The following LTBR variants were observed in gnomAD, a reference collection of about 807,000 sequenced individuals.
LTBR encodes lymphotoxin beta receptor, also known as tumor necrosis factor receptor superfamily member 3.
In LTBR, 15 loss-of-function variants were observed where a neutral mutation model predicts 45.4. The ratio of observed to expected loss-of-function variants is 0.33; its 90% CI spans 0.22 to 0.51. The LOEUF is 0.51. Among genes scored for constraint, LTBR ranks in the 20% least tolerant of loss-of-function variants. LTBR has a pLI of 0.97. For synonymous variants in LTBR, 228 were observed against 231.0 expected (o/e 0.99, Z 0.12); for missense variants, 450 against 565.5 (o/e 0.80, Z 2.07).
In LTBR at chr12:6,388,414, G is replaced by A. The variant is rs769967441; in HGVS notation, c.684G>A (p.Leu228=). ...TCCTGGCAGGAACCATGCTGATGCT[G>A]GCCGTTCTGCTGCCACTGGCCTTCT... ...PPEMSGTMLM[L]AVLLPLAFFL... The change falls in exon 7 of 10, where the codon CTG becomes CTA. Residue 228 remains leucine, a synonymous_variant. Transcript: ENST00000228918. The surrounding 1 kb of genome is among the most constrained non-coding windows in gnomAD (Gnocchi z 4.3). 6.2e-7 allele frequency: 1 copy of A among 1,613,636 alleles called. No individual in the cohort carries two copies. The highest frequency in any genetic ancestry group is 8.5e-7 in the Non-Finnish European group (1 of 1,179,892).
chr12:6,381,376 C>T (rs1015178745), upstream of LTBR, among the ~76,000 whole-genome samples: 2 of 152,190 alleles, frequency 1.3e-5, no homozygotes, highest in Admixed American at 1.3e-4. Flanking sequence ...GAGAAATAGC[C>T]TGGCTGCTTC....
chr12:6,386,650 T>G lies in LTBR; in HGVS notation c.667+206T>G. The G allele has an allele frequency of 1.8e-6, 1 of 570,332 alleles. No individual in the cohort carries two copies. The allele number at this position is 570,332 out of a possible 1,614,324, so 35.3% of individuals were successfully genotyped here. The stretch of plus-strand genomic sequence containing the variant: ...ACACACACACACTTTTAAAATTATA[T>G]ATACTGTAATACTATGTCAAGGAAC... On this transcript the variant is annotated intron_variant, in intron 6 of 9. Transcript: ENST00000228918. The surrounding 1 kb of genome is among the most constrained non-coding windows in gnomAD (Gnocchi z 4.1).
intron 8 of LTBR, 185 bp from the exon 9 acceptor site, chr12:6,389,927 A>G (rs1949091353): frequency 3.3e-6 from 2 of 598,204 alleles, no homozygotes; most frequent in Non-Finnish European, 5.9e-6. Flanking sequence ...ACTGCACTGT[A>G]GCCTGGGTGA....
At chr12:6,381,667 C>T (rs534070839), upstream of LTBR, among the ~76,000 whole-genome samples, 2 of 152,336 alleles carry the variant, frequency 1.3e-5, no homozygotes, top group African/African-American at 2.4e-5. Flanking sequence ...ATGTAGCAAA[C>T]ATTTGTAGTG....
intron 1 of LTBR, among the ~76,000 whole-genome samples, chr12:6,376,486 C>T (rs1303796344): frequency 6.6e-6 from 1 of 152,210 alleles, no homozygotes; most frequent in Non-Finnish European, 1.5e-5. Context: ...GGAAAGCAGG[C>T]ACTGAAGGTG....
intron 1 of LTBR, among the ~76,000 whole-genome samples, chr12:6,378,222 T>C (rs1404422231): frequency 2.3e-5 from 2 of 88,678 alleles, no homozygotes; most frequent in Non-Finnish European, 4.2e-5. Flanking sequence ...AAACAAAATA[T>C]ATAGTTCTTT....
chr12:6,385,115 C>A lies in LTBR; in HGVS notation c.287C>A (p.Thr96Asn). The A allele has an allele frequency of 1.2e-6, 2 of 1,614,236 alleles. No individual in the cohort carries two copies. Among genetic ancestry groups the A allele is most frequent in the East Asian group, 2.2e-5 (1 of 44,890 alleles). Residue 96 changes from threonine to asparagine, a missense_variant, in exon 3 of 10, where the codon ACC becomes AAC. By Grantham distance (65) the Thr-to-Asn change is moderately conservative. Around this residue, in one of 3 missense-constraint regions of LTBR, gnomAD observed 367 missense variants for 435.4 expected, o/e 0.84. Coordinates refer to ENST00000228918, the MANE Select transcript of LTBR (RefSeq NM_002342.3). ...TACAACGAGCACTGGAACTACCTGA[C>A]CATCTGCCAGCTGTGCCGCCCCTGT... ...NSYNEHWNYL[T>N]ICQLCRPCDP...
At chr12:6,375,696 A>G in intron 1 of LTBR, 1 of 1,439,806 alleles carries the variant, frequency 6.9e-7, no homozygotes, top group Non-Finnish European at 9.1e-7. Flanking sequence ...ACTGGACCTG[A>G]GAAGGCGGAC....
rs1949105228 is a variant in LTBR at position 6,390,837 on chromosome 12, A to G, written c.1208A>G (p.His403Arg). ...GGCCCTCCCGGGCTCTCTACACCCC[A>G]CCAGGAAGATGGCAAGGCTTGGCAC... is the stretch of plus-strand genomic sequence containing the variant. ...DPGPPGLSTP[H>R]QEDGKAWHLA... The change falls in exon 10 of 10, where the codon CAC becomes CGC. Residue 403 changes from histidine to arginine, a missense_variant. Transcript: ENST00000228918. 6.2e-7 allele frequency: 1 copy of G among 1,611,568 alleles called. No homozygotes were observed. The highest frequency in any genetic ancestry group is 1.3e-5 in the African/African-American group (1 of 74,886).
At position 6,386,280 on chromosome 12, in the gene LTBR, G is replaced by T; in HGVS notation, c.570-67G>T. ...CTCACCACTTTCAGCCTCCCCGCCTGCCCAGTGGAGTCGGGACACTGGTGG... is the reference window on the plus strand; with the variant it reads ...CTCACCACTTTCAGCCTCCCCGCCTTCCCAGTGGAGTCGGGACACTGGTGG... On this transcript the variant is annotated intron_variant, in intron 5 of 9. Transcript: ENST00000228918. The surrounding 1 kb of genome is among the most constrained non-coding windows in gnomAD (Gnocchi z 4.1). 2.0e-6 allele frequency: 3 copies of T among 1,496,940 alleles called. No individual in the cohort carries two copies. The highest frequency in any genetic ancestry group is 1.9e-6 in the Non-Finnish European group (2 of 1,075,610). The allele number at this position is 1,496,940 out of a possible 1,614,324, so 92.7% of individuals were successfully genotyped here.
In LTBR at chr12:6,390,901, CA is replaced by C. The variant is rs1949106039; in HGVS notation, c.1273del (p.Arg425GlyfsTer13). On this transcript the variant is annotated frameshift_variant, in exon 10 of 10. Coordinates refer to ENST00000228918, the MANE Select transcript of LTBR (RefSeq NM_002342.3). LOFTEE classifies it low-confidence loss of function (END_TRUNC). ...TEHCGATPSN[R>X]GPRNQFITHD is the part of the protein sequence containing the mutation. ...AGCACTGTGGTGCCACACCCTCTAACAGGGGCCCAAGGAACCAATTTATCAC... is the reference window on the plus strand; with the variant it reads ...AGCACTGTGGTGCCACACCCTCTAACGGGGCCCAAGGAACCAATTTATCAC... 6.3e-7 allele frequency: 1 copy of C among 1,585,884 alleles called. No individual in the cohort carries two copies. The highest frequency in any genetic ancestry group is 8.6e-7 in the Non-Finnish European group (1 of 1,167,782).
At chr12:6,389,829 C>A in intron 8 of LTBR, 3 of 321,996 alleles carry the variant, frequency 9.3e-6, no homozygotes, top group Non-Finnish European at 1.1e-5. Context: ...AAAAGTTAGC[C>A]AGACAGTCCC....
In LTBR at chr12:6,386,435, G is replaced by C; in HGVS notation, c.658G>C (p.Glu220Gln). 3 of 1,611,580 alleles carry C rather than the reference G, an allele frequency of 1.9e-6. No individual in the cohort carries two copies. The highest frequency in any genetic ancestry group is 2.5e-6 in the Non-Finnish European group (3 of 1,179,220). ...AAATCCATTAGAGCCACTGCCCCCA[G>C]AGATGTCAGGTGAGGGACCAGGGCT... ...CKNPLEPLPP[E>Q]MSGTMLMLAV... is the part of the protein sequence containing the mutation. Residue 220 changes from glutamate (E) to glutamine (Q), a missense_variant, in exon 6 of 10, where the codon GAG becomes CAG. This residue lies in a region of LTBR where 367 missense variants were observed against 435.4 expected (regional missense o/e 0.84). Transcript: ENST00000228918. This position sits in a 1 kb window ranked among gnomAD's most constrained non-coding sequence, Gnocchi z 4.1.
At chr12:6,387,648 T>G (rs960880487) in intron 6 of LTBR, 1 of 253,776 alleles carries the variant, frequency 3.9e-6, no homozygotes, top group African/African-American at 2.3e-5. Flanking sequence ...GCGGGAGTCC[T>G]CCCGCCCTTC....
Position 6,390,855 on chromosome 12 carries a change from C to T in LTBR, c.1226C>T (p.Ala409Val), listed in dbSNP as rs1314728815. Reference protein sequence around the residue: ...LSTPHQEDGKAWHLAETEHCG... With the variant: ...LSTPHQEDGKVWHLAETEHCG... ...ACACCCCACCAGGAAGATGGCAAGGCTTGGCACCTAGCGGAGACAGAGCAC... is the reference window on the plus strand; with the variant it reads ...ACACCCCACCAGGAAGATGGCAAGGTTTGGCACCTAGCGGAGACAGAGCAC... The change falls in exon 10 of 10, where the codon GCT becomes GTT. Residue 409 changes from alanine (A) to valine (V), a missense_variant. This residue lies in a region of LTBR where 71 missense variants were observed against 90.4 expected (regional missense o/e 0.79). Transcript: ENST00000228918. The T allele has an allele frequency of 6.2e-7, 1 of 1,611,608 alleles. No individual in the cohort carries two copies. The highest frequency in any genetic ancestry group is 1.7e-5 in the Admixed American group (1 of 59,948).
chr12:6,379,668 C>T (rs1374375234), upstream of LTBR, among the ~76,000 whole-genome samples: 1 of 152,116 alleles, frequency 6.6e-6, no homozygotes, highest in Non-Finnish European at 1.5e-5. Flanking sequence ...TGGTGGCTCA[C>T]GCCTGTAATC....
chr12:6,384,933 C>G, intron 2 of LTBR, 89 bp from the exon 3 acceptor site: 1 of 1,544,178 alleles, frequency 6.5e-7, no homozygotes, highest in Non-Finnish European at 8.9e-7. Context: ...CCAGAGAGAC[C>G]GAGGGAAAGG....
At chr12:6,383,396 G>A (rs1949003317), upstream of LTBR, among the ~76,000 whole-genome samples, 1 of 152,154 alleles carries the variant, frequency 6.6e-6, no homozygotes, top group African/African-American at 2.4e-5. Flanking sequence ...CATGCTTAAG[G>A]TGAGGGGGCT....
Position 6,390,805 on chromosome 12 carries a change from G to A in LTBR, c.1176G>A (p.Gly392=). ...CTCCATACCCCATTCCCGAAGAGGG[G>A]GACCCTGGCCCTCCCGGGCTCTCTA... is the stretch of plus-strand genomic sequence containing the variant. ...PEPPYPIPEE[G]DPGPPGLSTP... The change falls in exon 10 of 10, where the codon GGG becomes GGA. Residue 392 remains glycine (G), a synonymous_variant. Transcript: ENST00000228918. 1 of 1,610,966 alleles carries A rather than the reference G, an allele frequency of 6.2e-7. No individual in the cohort carries two copies. The highest frequency in any genetic ancestry group is 1.7e-5 in the Admixed American group (1 of 59,852).
Sources: allele counts gnomAD v4.1 joint callset (sites outside exome capture counted in the v4.1 genomes callset), GRCh38; gene constraint gnomAD v4.1.1; regional missense constraint gnomAD v4.1.1; non-coding constraint Gnocchi (gnomAD v3.1); transcripts MANE v1.5; gene names NCBI Gene and HGNC (gene_info 2026-07-23, HGNC 2026-07-21).